The following RCAN2 variants were observed in gnomAD, a reference collection of about 807,000 sequenced individuals.
RCAN2 encodes regulator of calcineurin 2, also known as calcipressin-2.
RCAN2 carries 9 observed loss-of-function variants against 23.6 expected under a neutral mutation model. The ratio of observed to expected loss-of-function variants is 0.38; its 90% CI spans 0.23 to 0.67. The LOEUF (loss-of-function observed/expected upper bound fraction) is 0.67, where lower values mean the gene tolerates loss of function less well. Among genes scored for constraint, RCAN2 ranks in the 30% least tolerant of loss-of-function variants. The pLI is 0.51. For missense variants in RCAN2, 273 were observed against 302.3 expected (o/e 0.90, Z 0.72); for synonymous variants, 109 against 115.7 (o/e 0.94, Z 0.37).
intron 4 of RCAN2, among the ~76,000 whole-genome samples, chr6:46,245,902 C>G (rs1322007691): frequency 6.6e-6 from 1 of 152,176 alleles, no homozygotes; most frequent in Non-Finnish European, 1.5e-5. Context: ...TCAGCTGCCA[C>G]CTGGTTTCAG....
chr6:46,254,487 C>T (rs2150321935), intron 2 of RCAN2, among the ~76,000 whole-genome samples: 1 of 152,210 alleles, frequency 6.6e-6, no homozygotes, highest in African/African-American at 2.4e-5. Context: ...ACTGAGAGAG[C>T]TGTTTGAACA....
rs1297821519 is a variant in RCAN2, at chr6:46,248,871, G to A, written c.251C>T (p.Thr84Ile). 11 of 1,604,020 alleles carry A rather than the reference G, an allele frequency of 6.9e-6. No homozygotes were observed. The highest frequency in any genetic ancestry group is 9.3e-6 in the Non-Finnish European group (11 of 1,176,738). ...CTGGAACGTCACACAGTCATCATAA[G>A]TCCGAAACAGTCCCTCAAATTTTTC... ...SKEKFEGLFR[T>I]YDDCVTFQLF... is the part of the protein sequence containing the mutation. Residue 84 changes from threonine (T) to isoleucine (I), a missense_variant, in exon 3 of 5, where the codon ACT becomes ATT. Thr to Ile is a moderately conservative substitution (Grantham distance 89). Coordinates refer to ENST00000371374, the MANE Select transcript of RCAN2 (RefSeq NM_001251974.2).
At chr6:46,230,185 C>T (rs1765829806) in intron 4 of RCAN2, among the ~76,000 whole-genome samples, 1 of 152,148 alleles carries the variant, frequency 6.6e-6, no homozygotes, top group African/African-American at 2.4e-5. Flanking sequence ...TCAGTTGGCC[C>T]CTACTTGGAG....
chr6:46,348,459 T>C (rs1764552754), intron 2 of RCAN2, among the ~76,000 whole-genome samples: 1 of 152,136 alleles, frequency 6.6e-6, no homozygotes. Context: ...GGAGCTTCTG[T>C]ACCTCACTGC....
In RCAN2 at chr6:46,248,777, T is replaced by C; in HGVS notation, c.345A>G (p.Ile115Met). 2 of 1,613,370 alleles carry C rather than the reference T, an allele frequency of 1.2e-6. No homozygotes were observed. Among genetic ancestry groups the C allele is most frequent in the Non-Finnish European group, 1.7e-6 (2 of 1,179,726 alleles). ...SNPKSAARAR[I>M]ELHETQFRGK... ...CTCTGAATTGGGTTTCATGAAGCTC[T>C]ATCCTAGCTCGGGCTGCAGATTTAG... Residue 115 changes from isoleucine (I) to methionine (M), a missense_variant, in exon 3 of 5, where the codon ATA (isoleucine) becomes ATG (methionine). Ile to Met is a conservative substitution (Grantham distance 10). Transcript: ENST00000371374.
At chr6:46,475,216 T>C (rs1032574766) in intron 1 of RCAN2, among the ~76,000 whole-genome samples, 7 of 152,200 alleles carry the variant, frequency 4.6e-5, no homozygotes, top group South Asian at 2.1e-4. Context: ...AACCCTCTAA[T>C]AGCTGCATGT....
intron 2 of RCAN2, among the ~76,000 whole-genome samples, chr6:46,395,856 T>C (rs1766074875): frequency 6.6e-6 from 1 of 152,184 alleles, no homozygotes. Flanking sequence ...TCAAAGCTGA[T>C]TCTCTCCAAA....
At chr6:46,431,018 A>G (rs1173085324) in intron 2 of RCAN2, among the ~76,000 whole-genome samples, 2 of 152,192 alleles carry the variant, frequency 1.3e-5, no homozygotes, top group East Asian at 3.8e-4. Context: ...AGACAGAAGC[A>G]GAATATGGAA....
intron 2 of RCAN2, among the ~76,000 whole-genome samples, chr6:46,395,411 G>A (rs538064541): frequency 1.1e-4 from 16 of 152,246 alleles, no homozygotes; most frequent in African/African-American, 3.1e-4. Flanking sequence ...AACAAAGGAC[G>A]AACAACCCAT....
chr6:46,486,200 C>G (rs942055158), intron 1 of RCAN2, among the ~76,000 whole-genome samples: 1 of 152,170 alleles, frequency 6.6e-6, no homozygotes, highest in African/African-American at 2.4e-5. Context: ...ACTCAGAGAA[C>G]CGGCACTGAG....
chr6:46,365,681 C>A (rs1365999604), intron 2 of RCAN2, among the ~76,000 whole-genome samples: 1 of 152,082 alleles, frequency 6.6e-6, no homozygotes, highest in Non-Finnish European at 1.5e-5. Flanking sequence ...TTTAAGATCT[C>A]ATTTTATAGT....
intron 2 of RCAN2, among the ~76,000 whole-genome samples, chr6:46,296,751 CAGA>C (rs968461792): frequency 6.6e-6 from 1 of 152,008 alleles, no homozygotes; most frequent in African/African-American, 2.4e-5. Context: ...TGGAAATCTC[CAGA>C]AGATCAACAA....
intron 2 of RCAN2, chr6:46,438,651 T>C (rs1767440909): frequency 6.6e-6 from 1 of 152,202 alleles, no homozygotes; most frequent in African/African-American, 2.4e-5. Flanking sequence ...TGATAAAATA[T>C]AGAAAAAATA....
chr6:46,445,383 A>C (rs1269059021), intron 2 of RCAN2, among the ~76,000 whole-genome samples: 4 of 152,170 alleles, frequency 2.6e-5, no homozygotes, highest in Non-Finnish European at 5.9e-5. Context: ...CAGCAAGTTC[A>C]CCCATGGACC....
Position 46,223,165 on chromosome 6 carries a change from G to A in RCAN2, c.708C>T (p.Gly236=). Residue 236 remains glycine (G), a synonymous_variant, in exon 5 of 5, where the codon GGC becomes GGT. Transcript: ENST00000371374. ...CTCAGTTGGACACGGAGGGTGGCAG[G>A]CCAGGACGCCGAGTTTGGATGATTT... ...KPKIIQTRRP[G]LPPSVSN 1.2e-6 allele frequency: 2 copies of A among 1,613,526 alleles called. No individual in the cohort carries two copies. The highest frequency in any genetic ancestry group is 1.7e-6 in the Non-Finnish European group (2 of 1,179,944).
At chr6:46,345,020 C>A (rs911150503) in intron 2 of RCAN2, among the ~76,000 whole-genome samples, 9 of 120,840 alleles carry the variant, frequency 7.4e-5, no homozygotes, top group African/African-American at 2.0e-4. Context: ...TTTAAATATA[C>A]ATAAACATAT....
intron 4 of RCAN2, among the ~76,000 whole-genome samples, chr6:46,230,039 T>A (rs1448557868): frequency 1.3e-5 from 2 of 152,132 alleles, no homozygotes. Flanking sequence ...TTGCTGGAGG[T>A]CCACTCCAGA....
chr6:46,353,461 A>T (rs1441611685), intron 2 of RCAN2, among the ~76,000 whole-genome samples: 1 of 152,204 alleles, frequency 6.6e-6, no homozygotes, highest in Admixed American at 6.5e-5. Flanking sequence ...AATCCTTAGT[A>T]AATAAATTCC....
intron 2 of RCAN2, among the ~76,000 whole-genome samples, chr6:46,293,772 A>C (rs1762637411): frequency 6.6e-6 from 1 of 152,156 alleles, no homozygotes; most frequent in African/African-American, 2.4e-5. Context: ...AGGGCTAGAT[A>C]ATTTAGGCTA....
Sources: allele counts gnomAD v4.1 joint callset (sites outside exome capture counted in the v4.1 genomes callset), GRCh38; gene constraint gnomAD v4.1.1; transcripts MANE v1.5; gene names NCBI Gene and HGNC (gene_info 2026-07-23, HGNC 2026-07-21).